The following CHRM3 variants were observed in gnomAD, a reference collection of about 807,000 sequenced individuals.
CHRM3 encodes the protein cholinergic receptor muscarinic 3, also known as muscarinic acetylcholine receptor M3.
Under a neutral mutation model 41.8 loss-of-function variants are expected in CHRM3, and 11 were observed. The ratio of observed to expected loss-of-function variants is 0.26; its 90% CI spans 0.17 to 0.44. The LOEUF is 0.44. Ranked by LOEUF, CHRM3 falls within the 20% of genes least tolerant of loss-of-function variation. The pLI is 1.00. For synonymous variants in CHRM3, 297 were observed against 301.4 expected (o/e 0.99, Z 0.15); for missense variants, 571 against 745.4 (o/e 0.77, Z 2.72).
At chr1:239,840,486 C>CA (rs1673703264) in intron 6 of CHRM3, among the ~76,000 whole-genome samples, 1 of 152,160 alleles carries the variant, frequency 6.6e-6, no homozygotes, top group Admixed American at 6.5e-5. Context: ...AGATAATACA[C>CA]AAAAAAATTC....
At chr1:239,842,743 C>T (rs75271492) in intron 6 of CHRM3, among the ~76,000 whole-genome samples, 9,002 of 152,190 alleles carry the variant, frequency 0.059, 375 homozygotes, top group Middle Eastern at 0.11. Context: ...CATGCATGCA[C>T]GCACACACAG....
At chr1:239,512,951 C>CTAAA (rs1669021136) in intron 2 of CHRM3, among the ~76,000 whole-genome samples, 1 of 152,068 alleles carries the variant, frequency 6.6e-6, no homozygotes, top group Non-Finnish European at 1.5e-5. Context: ...TCCCTTTGTG[C>CTAAA]TAAAGCAAGC....
chr1:239,522,131 A>T (rs1268418665), intron 2 of CHRM3, among the ~76,000 whole-genome samples: 1 of 152,200 alleles, frequency 6.6e-6, no homozygotes, highest in South Asian at 2.1e-4. Context: ...ATGTAGGCAG[A>T]CTGTTGTAAC....
At chr1:239,796,384 G>A (rs1343620549) in intron 5 of CHRM3, among the ~76,000 whole-genome samples, 1 of 152,092 alleles carries the variant, frequency 6.6e-6, no homozygotes, top group African/African-American at 2.4e-5. Flanking sequence ...TTAAGAAATT[G>A]AAATCACACA....
intron 6 of CHRM3, among the ~76,000 whole-genome samples, chr1:239,873,374 T>G (rs1676761698): frequency 6.6e-6 from 1 of 152,080 alleles, no homozygotes; most frequent in Non-Finnish European, 1.5e-5. Context: ...TATTATACTT[T>G]AAGTTCTGGG....
chr1:239,857,515 A>T (rs1240589859), intron 6 of CHRM3, among the ~76,000 whole-genome samples: 1 of 152,132 alleles, frequency 6.6e-6, no homozygotes, highest in East Asian at 1.9e-4. Flanking sequence ...TGTGTGTGTG[A>T]AGTAAAAATC....
intron 3 of CHRM3, among the ~76,000 whole-genome samples, chr1:239,581,008 C>T (rs12047701): frequency 0.027 from 4,056 of 151,690 alleles, 93 homozygotes; most frequent in East Asian, 0.11. Flanking sequence ...TTGACATAAA[C>T]CTCAGGATAC....
At chr1:239,740,717 G>A (rs1664773677) in intron 5 of CHRM3, among the ~76,000 whole-genome samples, 1 of 151,972 alleles carries the variant, frequency 6.6e-6, no homozygotes, top group Admixed American at 6.6e-5. Context: ...CATGAAAAAA[G>A]CTCATTATCA....
intron 6 of CHRM3, among the ~76,000 whole-genome samples, chr1:239,876,174 A>G (rs971564388): frequency 6.6e-6 from 1 of 152,226 alleles, no homozygotes; most frequent in Non-Finnish European, 1.5e-5. Context: ...AGCCCATTCT[A>G]TAGGAATTAT....
intron 3 of CHRM3, among the ~76,000 whole-genome samples, chr1:239,588,648 G>A (rs1663693794): frequency 6.6e-6 from 1 of 152,074 alleles, no homozygotes. Flanking sequence ...ATGCCCCAGC[G>A]TCCTGCTTTT....
chr1:239,851,648 C>T (rs1012931414), intron 6 of CHRM3, among the ~76,000 whole-genome samples: 18 of 152,186 alleles, frequency 1.2e-4, no homozygotes, highest in Admixed American at 1.3e-4. Context: ...CTGACACCTT[C>T]TTGGGGACCC....
At chr1:239,728,781 A>G (rs1254928484) in intron 5 of CHRM3, among the ~76,000 whole-genome samples, 1 of 152,004 alleles carries the variant, frequency 6.6e-6, no homozygotes, top group Non-Finnish European at 1.5e-5. Flanking sequence ...GTGTGCACAC[A>G]CACACACTCA....
chr1:239,445,987 C>T (rs1252312330), intron 1 of CHRM3, among the ~76,000 whole-genome samples: 1 of 151,674 alleles, frequency 6.6e-6, no homozygotes, highest in Non-Finnish European at 1.5e-5. Flanking sequence ...ACCCAGGCTG[C>T]AGTGCAGTCA....
At chr1:239,806,980 C>G (rs1319676505) in intron 5 of CHRM3, among the ~76,000 whole-genome samples, 1 of 152,192 alleles carries the variant, frequency 6.6e-6, no homozygotes. Flanking sequence ...GAATATTCTA[C>G]TTGTTCCTGG....
chr1:239,859,817 T>TTTTA (rs1553286785), intron 6 of CHRM3, among the ~76,000 whole-genome samples: 3 of 77,396 alleles, frequency 3.9e-5, no homozygotes, highest in African/African-American at 1.7e-4. Flanking sequence ...GTTCTAAGTG[T>TTTTA]TTTATATATA....
chr1:239,703,937 A>G (rs927369109), intron 5 of CHRM3: 2 of 152,218 alleles, frequency 1.3e-5, no homozygotes, highest in Non-Finnish European at 2.9e-5. Flanking sequence ...ATGCAAGAAC[A>G]TCTCATTTTT....
At chr1:239,512,358 T>G (rs1056382797) in intron 2 of CHRM3, among the ~76,000 whole-genome samples, 1 of 152,144 alleles carries the variant, frequency 6.6e-6, no homozygotes, top group African/African-American at 2.4e-5. Context: ...TAAACAAATT[T>G]TACCCAGTGA....
chr1:239,609,600 A>G (rs1666759551), intron 3 of CHRM3, among the ~76,000 whole-genome samples: 2 of 152,240 alleles, frequency 1.3e-5, no homozygotes, highest in South Asian at 4.1e-4. Flanking sequence ...ATAGCATTTT[A>G]CATTTTCAGC....
At chr1:239,701,457 C>T (rs909857251) in intron 5 of CHRM3, among the ~76,000 whole-genome samples, 16 of 152,190 alleles carry the variant, frequency 1.1e-4, no homozygotes, top group African/African-American at 3.9e-4. Context: ...AGAATTGTCA[C>T]CAAGGTGTGC....
Sources: gnomAD v4.1 joint callset for allele counts (sites outside exome capture counted in the v4.1 genomes callset) on GRCh38, gnomAD v4.1.1 for gene constraint, MANE v1.5 for transcripts, NCBI Gene and HGNC (gene_info 2026-07-23, HGNC 2026-07-21) for gene names.